Variants in MBNL2 observed in about 807,000 individuals in gnomAD.
MBNL2 encodes muscleblind-like protein 2.
A neutral mutation model predicts 41.9 loss-of-function variants in MBNL2; 17 were observed. The observed-to-expected ratio is 0.41, with a 90% CI of 0.28 to 0.61. The LOEUF is 0.61. MBNL2 is among the 20% of genes least tolerant of loss of function. The probability of loss-of-function intolerance (pLI) is 0.35; values close to 1 mark genes in which losing one functional copy is unlikely to be tolerated. For missense variants in MBNL2, 336 were observed against 505.6 expected, an observed-to-expected ratio of 0.66 and a Z score of 3.22; for synonymous variants, 195 against 182.9, an observed-to-expected ratio of 1.07 and a Z score of -0.53.
At chr13:97,300,910 A>C (rs954276203) in intron 2 of MBNL2, among the ~76,000 whole-genome samples, 1 of 152,208 alleles carries the variant, frequency 6.6e-6, no homozygotes, top group Non-Finnish European at 1.5e-5. Flanking sequence ...TATGATAGAT[A>C]GATACAGTAG....
Position 97,236,427 on chromosome 13 carries a change from A to T in MBNL2, c.-605+13896A>T, listed in dbSNP as rs185346637. 6.0e-4 allele frequency among the ~76,000 whole-genome samples: 91 copies of T among 151,840 alleles called. 4 individuals carry two copies. In the South Asian group the frequency reaches 0.014, roughly 24 times the overall value. On this transcript the variant is annotated intron_variant, in intron 1 of 8. Transcript: ENST00000679496. The stretch of plus-strand genomic sequence containing the variant: ...GAGGGGGTGCTCCTGGGGCTCTGCT[A>T]ATATTTTATTTCTTCATCTGGGTGT...
At chr13:97,280,404 A>G (rs113100858) in intron 2 of MBNL2, among the ~76,000 whole-genome samples, 1 of 152,242 alleles carries the variant, frequency 6.6e-6, no homozygotes, top group African/African-American at 2.4e-5. Context: ...AAGGGACACA[A>G]TTTTAAAAAT....
the MBNL2 span, among the ~76,000 whole-genome samples, chr13:97,189,852 G>A: frequency 2.0e-5 from 3 of 152,212 alleles, no homozygotes; most frequent in African/African-American, 7.2e-5. Context: ...GGTTATTAAT[G>A]TTTACTTTCA....
chr13:97,215,619 A>G, the MBNL2 span, among the ~76,000 whole-genome samples: 4 of 152,368 alleles, frequency 2.6e-5, no homozygotes, highest in East Asian at 1.9e-4. Flanking sequence ...AATTCGAGTT[A>G]AGCATGTAAG....
intron 8 of MBNL2, among the ~76,000 whole-genome samples, chr13:97,370,963 A>G (rs1175334439): frequency 6.6e-6 from 1 of 152,230 alleles, no homozygotes; most frequent in Non-Finnish European, 1.5e-5. Flanking sequence ...AAGGACCAGA[A>G]TATGTAAATC....
intron 2 of MBNL2, among the ~76,000 whole-genome samples, chr13:97,320,261 C>CT (rs57742449): frequency 0.17 from 23,177 of 134,462 alleles, 1,974 homozygotes; most frequent in Admixed American, 0.21. Flanking sequence ...CTGGAAGGGT[C>CT]TTTTTTTTTT....
chr13:97,278,364 A>G (rs1011695008), intron 2 of MBNL2, among the ~76,000 whole-genome samples: 1 of 151,982 alleles, frequency 6.6e-6, no homozygotes, highest in African/African-American at 2.4e-5. Flanking sequence ...GGTCATCCCC[A>G]ATTTTTCCAT....
At chr13:97,157,847 T>C in the MBNL2 span, among the ~76,000 whole-genome samples, 9 of 151,960 alleles carry the variant, frequency 5.9e-5, no homozygotes, top group Non-Finnish European at 1.0e-4. Flanking sequence ...GATATTGGTC[T>C]AAAATTCTCT....
chr13:97,215,995 G>T, the MBNL2 span, among the ~76,000 whole-genome samples: 1 of 152,162 alleles, frequency 6.6e-6, no homozygotes, highest in Non-Finnish European at 1.5e-5. Context: ...TCTCACACAT[G>T]ATTTCATTTA....
At chr13:97,151,008 C>G in the MBNL2 span, among the ~76,000 whole-genome samples, 1 of 152,164 alleles carries the variant, frequency 6.6e-6, no homozygotes, top group Admixed American at 6.5e-5. Context: ...ACTACTCAAG[C>G]TCCCTCAAAC....
intron 2 of MBNL2, among the ~76,000 whole-genome samples, chr13:97,291,747 T>C (rs918503266): frequency 3.3e-5 from 5 of 150,348 alleles, no homozygotes; most frequent in Admixed American, 2.6e-4. Flanking sequence ...ATACAAAAAT[T>C]AGCTGGGCAT....
the MBNL2 span, among the ~76,000 whole-genome samples, chr13:97,207,403 TG>T: frequency 6.6e-6 from 1 of 152,178 alleles, no homozygotes; most frequent in East Asian, 1.9e-4. Context: ...TCCACGTGGC[TG>T]GGGAAGCCTC....
the MBNL2 span, among the ~76,000 whole-genome samples, chr13:97,191,501 T>C: frequency 6.6e-6 from 1 of 152,000 alleles, no homozygotes; most frequent in South Asian, 2.1e-4. Context: ...TTAGCTGAAC[T>C]AAGGAAAAGT....
At chr13:97,274,982 A>G (rs569206100) in intron 1 of MBNL2, among the ~76,000 whole-genome samples, 7 of 152,220 alleles carry the variant, frequency 4.6e-5, no homozygotes, top group Non-Finnish European at 7.3e-5. Flanking sequence ...AGGGTCTAAT[A>G]TACGCCGTAG....
chr13:97,356,443 TA>T (rs1406293126), intron 5 of MBNL2, among the ~76,000 whole-genome samples: 3 of 152,070 alleles, frequency 2.0e-5, no homozygotes, highest in East Asian at 3.9e-4. Flanking sequence ...TGAAGCAATA[TA>T]AAAAATGCTT....
the MBNL2 span, among the ~76,000 whole-genome samples, chr13:97,175,725 G>A: frequency 6.6e-6 from 1 of 152,146 alleles, no homozygotes; most frequent in Non-Finnish European, 1.5e-5. Flanking sequence ...GAGAAGCTGA[G>A]GGCAATAAGT....
chr13:97,334,008 AAGAGAGAG>A lies in MBNL2; in HGVS notation c.175-265_175-258del, dbSNP rs144525170. The stretch of plus-strand genomic sequence containing the variant: ...GGAGGGAAAGAAAGAGAAAGAGAGA[AAGAGAGAG>A]AGGGAGGGAGGGAGGGAAAAATCCT... On this transcript the variant is annotated intron_variant, in intron 2 of 8. Coordinates refer to ENST00000679496, the MANE Select transcript of MBNL2 (RefSeq NM_001382683.1). This position sits in a 1 kb window ranked among gnomAD's most constrained non-coding sequence, Gnocchi z 5.3. 0.27 allele frequency among the ~76,000 whole-genome samples: 38,520 copies of A among 141,114 alleles called. 5,473 individuals are homozygous for A. The highest frequency in any genetic ancestry group is 0.29 in the Non-Finnish European group (18,958 of 65,160). 92.6% of individuals were successfully genotyped at this position (141,114 alleles called of 152,430 possible). A position where few individuals can be genotyped will look rare whatever the true frequency, so the allele number is the denominator to read the frequency against.
At chr13:97,177,207 C>A in the MBNL2 span, among the ~76,000 whole-genome samples, 3 of 152,146 alleles carry the variant, frequency 2.0e-5, no homozygotes, top group East Asian at 5.8e-4. Context: ...GGCATGGTGG[C>A]ATGTGCCTGT....
chr13:97,338,502 T>G (rs2061084257), intron 3 of MBNL2, among the ~76,000 whole-genome samples: 1 of 152,156 alleles, frequency 6.6e-6, no homozygotes, highest in Non-Finnish European at 1.5e-5. Context: ...GGAATGAAAA[T>G]TCAAGCCTTT....
Sources: gnomAD v4.1 joint callset for allele counts (sites outside exome capture counted in the v4.1 genomes callset) on GRCh38, gnomAD v4.1.1 for gene constraint, Gnocchi (gnomAD v3.1) non-coding constraint, MANE v1.5 for transcripts, NCBI Gene and HGNC (gene_info 2026-07-23, HGNC 2026-07-21) for gene names.